The following CACNA2D3 variants were observed in gnomAD, a reference collection of about 807,000 sequenced individuals.
CACNA2D3 encodes voltage-dependent calcium channel subunit alpha-2/delta-3.
CACNA2D3 carries 60 observed loss-of-function variants against 160.6 expected under a neutral mutation model. The observed-to-expected ratio is 0.37, with a 90% CI of 0.30 to 0.46. The LOEUF (loss-of-function observed/expected upper bound fraction) is 0.46, where lower values mean the gene tolerates loss of function less well. Ranked by LOEUF, CACNA2D3 falls within the 20% of genes least tolerant of loss-of-function variation. CACNA2D3 has a pLI of 1.00. For synonymous variants in CACNA2D3, 558 were observed against 492.9 expected, an observed-to-expected ratio of 1.13 and a Z score of -1.75; for missense variants, 1,205 against 1,365.0, an observed-to-expected ratio of 0.88 and a Z score of 1.85.
intron 4 of CACNA2D3, among the ~76,000 whole-genome samples, chr3:54,478,834 T>G (rs1700885854): frequency 6.6e-6 from 1 of 150,692 alleles, no homozygotes; most frequent in African/African-American, 2.4e-5. Context: ...TATGTTCAGA[T>G]AACCCTTATT....
chr3:54,998,261 G>T (rs779587912), intron 31 of CACNA2D3, among the ~76,000 whole-genome samples: 1 of 151,044 alleles, frequency 6.6e-6, no homozygotes, highest in Non-Finnish European at 1.5e-5. Context: ...TTAGCCTGCC[G>T]AGTAGCTGGG....
At chr3:54,154,371 G>A (rs1156276143) in intron 2 of CACNA2D3, among the ~76,000 whole-genome samples, 1 of 152,152 alleles carries the variant, frequency 6.6e-6, no homozygotes, top group Non-Finnish European at 1.5e-5. Flanking sequence ...GAGAACCAAG[G>A]TTCATGGAGG....
intron 11 of CACNA2D3, among the ~76,000 whole-genome samples, chr3:54,688,753 A>G (rs149378813): frequency 1.5e-3 from 222 of 150,820 alleles, no homozygotes; most frequent in African/African-American, 5.0e-3. Context: ...CTGTAATCCA[A>G]GCAGTTTGGG....
At chr3:54,338,632 T>A (rs2107524017) in intron 3 of CACNA2D3, among the ~76,000 whole-genome samples, 1 of 152,232 alleles carries the variant, frequency 6.6e-6, no homozygotes, top group Admixed American at 6.5e-5. Flanking sequence ...TCCAAAGGGC[T>A]TGTCGCTTAT....
chr3:54,915,543 A>G (rs1399351396), intron 27 of CACNA2D3, among the ~76,000 whole-genome samples: 4 of 152,204 alleles, frequency 2.6e-5, no homozygotes, highest in African/African-American at 9.6e-5. Context: ...AAAATAATCT[A>G]TGAGGCGTTT....
At chr3:54,662,993 C>G (rs1289410985) in intron 11 of CACNA2D3, among the ~76,000 whole-genome samples, 2 of 152,110 alleles carry the variant, frequency 1.3e-5, no homozygotes, top group African/African-American at 2.4e-5. Flanking sequence ...ACCAAATGAG[C>G]AATAGCATGT....
chr3:54,776,523 AAAAAC>A (rs1257773145), intron 13 of CACNA2D3, among the ~76,000 whole-genome samples: 1 of 152,176 alleles, frequency 6.6e-6, no homozygotes, highest in Non-Finnish European at 1.5e-5. Context: ...TCCAATTTAA[AAAAAC>A]AAAACAGCAA....
chr3:54,495,174 G>A (rs1467225394), intron 4 of CACNA2D3, among the ~76,000 whole-genome samples: 1 of 152,118 alleles, frequency 6.6e-6, no homozygotes. Flanking sequence ...GAGTGCCATT[G>A]ATTGGTCTTT....
intron 14 of CACNA2D3, among the ~76,000 whole-genome samples, chr3:54,835,165 G>A (rs1365889994): frequency 5.3e-5 from 8 of 152,078 alleles, no homozygotes; most frequent in Non-Finnish European, 1.0e-4. Context: ...TACTTGTCAC[G>A]GAGGGATATA....
At chr3:55,065,458 C>G (rs892853394) in intron 35 of CACNA2D3, among the ~76,000 whole-genome samples, 6 of 152,194 alleles carry the variant, frequency 3.9e-5, no homozygotes, top group South Asian at 4.1e-4. Context: ...CTGGTCAGGG[C>G]CTACCCAACA....
chr3:54,290,410 C>T (rs999335597), intron 2 of CACNA2D3, among the ~76,000 whole-genome samples: 10 of 152,160 alleles, frequency 6.6e-5, no homozygotes, highest in African/African-American at 2.4e-4. Flanking sequence ...CAGGAAACAA[C>T]AGGTGCTGGA....
chr3:54,939,902 A>T (rs1701423599), intron 27 of CACNA2D3, among the ~76,000 whole-genome samples: 1 of 152,228 alleles, frequency 6.6e-6, no homozygotes, highest in South Asian at 2.1e-4. Context: ...CTGAAGATAG[A>T]GCATGCCCTG....
At chr3:54,652,546 G>A (rs58550427) in intron 11 of CACNA2D3, among the ~76,000 whole-genome samples, 1 of 152,252 alleles carries the variant, frequency 6.6e-6, no homozygotes, top group East Asian at 1.9e-4. Context: ...TGAGGGAGAG[G>A]AGCTGGGTGG....
intron 4 of CACNA2D3, among the ~76,000 whole-genome samples, chr3:54,493,152 G>C (rs1429542087): frequency 3.3e-5 from 4 of 122,578 alleles, no homozygotes; most frequent in Non-Finnish European, 4.8e-5. Flanking sequence ...ATCTCGGCTC[G>C]CTGCAACCTC....
intron 5 of CACNA2D3, among the ~76,000 whole-genome samples, chr3:54,533,525 G>C (rs1314811989): frequency 6.6e-6 from 1 of 151,776 alleles, no homozygotes; most frequent in African/African-American, 2.4e-5. Flanking sequence ...AATAGCGATG[G>C]GGTTTTGCCA....
At chr3:54,807,145 C>T (rs575980922) in intron 13 of CACNA2D3, among the ~76,000 whole-genome samples, 1 of 152,158 alleles carries the variant, frequency 6.6e-6, no homozygotes, top group African/African-American at 2.4e-5. Context: ...TAGGCATGGG[C>T]AAGGACTTCA....
chr3:54,696,545 G>A (rs550728), intron 11 of CACNA2D3, among the ~76,000 whole-genome samples: 139,276 of 152,134 alleles, frequency 0.92, 64,020 homozygotes, highest in African/African-American at 0.94. Context: ...ATCAGCAGAG[G>A]GGTGTGTGGT....
chr3:54,136,770 G>A (rs1026188385), intron 2 of CACNA2D3, among the ~76,000 whole-genome samples: 1 of 152,226 alleles, frequency 6.6e-6, no homozygotes, highest in African/African-American at 2.4e-5. Context: ...GTTACCTGGG[G>A]AGCTTGTTAA....
At position 54,763,715 on chromosome 3, in the gene CACNA2D3, GTACATATA is replaced by G. The variant is rs751497727; in HGVS notation, c.1247-492_1247-485del. ...TATATATGTATATATGTATATATATGTACATATATACATATATATGTGTATATATGTGC... is the reference window on the plus strand; with the variant it reads ...TATATATGTATATATGTATATATATGTACATATATATGTGTATATATGTGC... On this transcript the variant is annotated intron_variant, in intron 12 of 37. Transcript: ENST00000474759. Among the ~76,000 whole-genome samples, 5 of 122,596 alleles carry G rather than the reference GTACATATA, an allele frequency of 4.1e-5. No individual in the cohort carries two copies. In the East Asian group the frequency reaches 1.2e-3, roughly 30 times the overall value. 80.4% of individuals were successfully genotyped at this position (122,596 alleles called of 152,430 possible).
Sources: allele counts gnomAD v4.1 joint callset (sites outside exome capture counted in the v4.1 genomes callset), GRCh38; gene constraint gnomAD v4.1.1; transcripts MANE v1.5; gene names NCBI Gene and HGNC (gene_info 2026-07-23, HGNC 2026-07-21).